Variants in ZNF141 observed in about 807,000 individuals in gnomAD.
The protein encoded by ZNF141 is zinc finger protein 141 (clone pHZ-44).
Under a neutral mutation model 11.3 loss-of-function variants are expected in ZNF141, and 7 were observed. The ratio of observed to expected loss-of-function variants is 0.62; its 90% CI spans 0.35 to 1.16. The LOEUF (loss-of-function observed/expected upper bound fraction) is 1.16. Ranked by LOEUF, ZNF141 falls within the 50% of genes most tolerant of loss-of-function variation. ZNF141 has a pLI of 0.02. For missense variants in ZNF141, 535 were observed against 554.0 expected (o/e 0.97, Z 0.34); for synonymous variants, 183 against 190.7 (o/e 0.96, Z 0.33).
rs1332460782 is a variant in ZNF141 at position 383,527 on chromosome 4, G to T, written c.*9665G>T. Reference sequence around the variant, plus strand: ...CAGGAGAATAGGGTTTGGAGGCAGGGAACTTAAGGCCAATTCGTGCTGACT... The same window carrying T: ...CAGGAGAATAGGGTTTGGAGGCAGGTAACTTAAGGCCAATTCGTGCTGACT... On this transcript the variant is annotated 3_prime_UTR_variant, in exon 4 of 4. Coordinates refer to ENST00000240499, the MANE Select transcript of ZNF141 (RefSeq NM_003441.4). The T allele has an allele frequency of 5.1e-6, 1 of 195,600 alleles. No homozygotes were observed. The highest frequency in any genetic ancestry group is 2.3e-5 in the African/African-American group (1 of 43,204). 12.1% of individuals were successfully genotyped at this position (195,600 alleles called of 1,614,324 possible).
Position 380,909 on chromosome 4 carries a change from A to G in ZNF141, c.*7047A>G, listed in dbSNP as rs1712585046. Among the ~76,000 whole-genome samples the G allele has an allele frequency of 6.6e-6, 1 of 152,206 alleles. No individual in the cohort carries two copies. The highest frequency in any genetic ancestry group is 2.4e-5 in the African/African-American group (1 of 41,442). On this transcript the variant is annotated 3_prime_UTR_variant, in exon 4 of 4. Transcript: ENST00000240499. ...TCATATATGTGTGTGCAAAACGTAT[A>G]AAATATACAGAAAAGAGAAATACTT...
At chr4:344,481 A>C (rs1363028203) in intron 3 of ZNF141, 51 bp downstream of exon 3, 1 of 1,520,498 alleles carries the variant, frequency 6.6e-7, no homozygotes, top group Non-Finnish European at 9.0e-7. Flanking sequence ...ACCAAAGGTC[A>C]AGAAGGAAGC....
At chr4:372,403 A>G (rs1473277103) in intron 3 of ZNF141, among the ~76,000 whole-genome samples, 2 of 152,240 alleles carry the variant, frequency 1.3e-5, no homozygotes, top group Non-Finnish European at 2.9e-5. Flanking sequence ...AAATGTAACA[A>G]ACATTCCTTC....
In ZNF141 at chr4:374,836, C is replaced by G. The variant is rs1712285466; in HGVS notation, c.*974C>G. 6.5e-6 allele frequency: 1 copy of G among 153,108 alleles called. No homozygotes were observed. 9.5% of individuals were successfully genotyped at this position (153,108 alleles called of 1,614,324 possible). Reference sequence around the variant, plus strand: ...AGTCTTTTCTAATCATAAGATAATTCACACTGAAGAGAAACTGCAAACGTG... The same window carrying G: ...AGTCTTTTCTAATCATAAGATAATTGACACTGAAGAGAAACTGCAAACGTG... On this transcript the variant is annotated 3_prime_UTR_variant, in exon 4 of 4. Coordinates refer to ENST00000240499, the MANE Select transcript of ZNF141 (RefSeq NM_003441.4).
chr4:375,207 G>A lies in ZNF141; in HGVS notation c.*1345G>A, dbSNP rs1343504954. 2.6e-5 allele frequency: 4 copies of A among 152,062 alleles called. No homozygotes were observed. Among genetic ancestry groups the A allele is most frequent in the Admixed American group, 2.6e-4 (4 of 15,268 alleles). The allele number at this position is 152,062 out of a possible 1,614,324, so 9.4% of individuals were successfully genotyped here. ...ATGTAATTTCTGTTGAAAGACTTCAGAAAATATAGGCCTTTAAAGTGAAGA... is the reference window on the plus strand; with the variant it reads ...ATGTAATTTCTGTTGAAAGACTTCAAAAAATATAGGCCTTTAAAGTGAAGA... On this transcript the variant is annotated 3_prime_UTR_variant, in exon 4 of 4. Coordinates refer to ENST00000240499, the MANE Select transcript of ZNF141 (RefSeq NM_003441.4).
At position 374,408 on chromosome 4, in the gene ZNF141, C is replaced by T. The variant is rs1712257682; in HGVS notation, c.*546C>T. On this transcript the variant is annotated 3_prime_UTR_variant, in exon 4 of 4. Coordinates refer to ENST00000240499, the MANE Select transcript of ZNF141 (RefSeq NM_003441.4). ...AATGTGGCACAGTCTTTACCACATC[C>T]TCAAACTTTGTTAAACATAAGAGAA... 2.8e-6 allele frequency: 1 copy of T among 351,164 alleles called. No homozygotes were observed. The highest frequency in any genetic ancestry group is 5.8e-6 in the Non-Finnish European group (1 of 173,474). 21.8% of individuals were successfully genotyped at this position (351,164 alleles called of 1,614,324 possible).
intron 3 of ZNF141, among the ~76,000 whole-genome samples, chr4:357,648 C>T (rs1185377854): frequency 7.9e-5 from 12 of 151,550 alleles, no homozygotes; most frequent in African/African-American, 2.7e-4. Flanking sequence ...TACATTCCTA[C>T]AGATAATTAT....
At chr4:350,533 A>AT (rs1347261666) in intron 3 of ZNF141, among the ~76,000 whole-genome samples, 2 of 152,186 alleles carry the variant, frequency 1.3e-5, no homozygotes, top group African/African-American at 2.4e-5. Context: ...GGATGTTTGA[A>AT]TTTTTTCACT....
At chr4:343,005 T>TA (rs2059816446) in intron 1 of ZNF141, 2 of 778,736 alleles carry the variant, frequency 2.6e-6, no homozygotes, top group Non-Finnish European at 3.6e-6. Context: ...AAAAAAGTAT[T>TA]AAAAAAGTTC....
At chr4:338,101 G>C in intron 1 of ZNF141, 115 bp downstream of exon 1, 1 of 1,452,910 alleles carries the variant, frequency 6.9e-7, no homozygotes, top group Non-Finnish European at 9.5e-7. Context: ...CTCAGCCCTG[G>C]GGCCTCAGTA....
rs373224939 is a variant in ZNF141, at chr4:346,893, A to ACACCCC, written c.226+2464_226+2465insACCCCC. Among the ~76,000 whole-genome samples the ACACCCC allele has an allele frequency of 1.8e-3, 246 of 135,374 alleles. 16 individuals carry two copies. Among genetic ancestry groups the ACACCCC allele is most frequent in the African/African-American group, 7.1e-3 (222 of 31,280 alleles). The allele number at this position is 135,374 out of a possible 152,430, so 88.8% of individuals were successfully genotyped here. A position where few individuals can be genotyped will look rare whatever the true frequency, so the allele number is the denominator to read the frequency against. ...TATATATGTATACACACACACACAC[A>ACACCCC]CCGCCCCCCCCATATATTGGCTACT... On this transcript the variant is annotated intron_variant, in intron 3 of 3. Coordinates refer to ENST00000240499, the MANE Select transcript of ZNF141 (RefSeq NM_003441.4).
chr4:365,834 G>C (rs1711717580), intron 3 of ZNF141, among the ~76,000 whole-genome samples: 1 of 152,178 alleles, frequency 6.6e-6, no homozygotes, highest in African/African-American at 2.4e-5. Context: ...TAGGGGCCTA[G>C]TTTCATTTTT....
rs182596615 is a variant in ZNF141, at chr4:349,717, G to A, written c.226+5287G>A. Among the ~76,000 whole-genome samples, 14 of 152,320 alleles carry A rather than the reference G, an allele frequency of 9.2e-5. No individual in the cohort carries two copies. The East Asian group carries it at 2.7e-3, about 29-fold the overall frequency. Reference sequence around the variant, plus strand: ...GGGTCACAAGGGTGCTGCTGGGTCTGCTGTGGGGTCTGCCTTTGATGATTG... The same window carrying A: ...GGGTCACAAGGGTGCTGCTGGGTCTACTGTGGGGTCTGCCTTTGATGATTG... On this transcript the variant is annotated intron_variant, in intron 3 of 3. Coordinates refer to ENST00000240499, the MANE Select transcript of ZNF141 (RefSeq NM_003441.4).
intron 3 of ZNF141, among the ~76,000 whole-genome samples, chr4:359,403 C>G (rs1281138951): frequency 6.6e-6 from 1 of 152,176 alleles, no homozygotes; most frequent in Non-Finnish European, 1.5e-5. Flanking sequence ...TGGAAATGCT[C>G]TAACCTAGTC....
At position 344,415 on chromosome 4, in the gene ZNF141, G is replaced by A. The variant is rs781825597; in HGVS notation, c.211G>A (p.Val71Ile). ...EPYNVKIHKI[V>I]ARPPAMCSHF... ...CTACAATGTGAAGATACATAAGATC[G>A]TAGCCAGACCCCCAGGTAGGTGAGA... The change falls in exon 3 of 4, where the codon GTA becomes ATA. Residue 71 changes from valine (V) to isoleucine (I), a missense_variant. Coordinates refer to ENST00000240499, the MANE Select transcript of ZNF141 (RefSeq NM_003441.4). The A allele has an allele frequency of 8.7e-6, 14 of 1,605,850 alleles. No individual in the cohort carries two copies. The highest frequency in any genetic ancestry group is 6.7e-5 in the Admixed American group (4 of 59,728).
At chr4:371,122 A>G (rs1712035878) in intron 3 of ZNF141, among the ~76,000 whole-genome samples, 1 of 148,418 alleles carries the variant, frequency 6.7e-6, no homozygotes, top group Non-Finnish European at 1.5e-5. Flanking sequence ...TTTCATTTAT[A>G]TATATATATA....
At chr4:350,578 T>C (rs1192109200) in intron 3 of ZNF141, among the ~76,000 whole-genome samples, 2 of 152,210 alleles carry the variant, frequency 1.3e-5, no homozygotes, top group Non-Finnish European at 2.9e-5. Flanking sequence ...TTTGGATCTA[T>C]GTCCCCATTC....
chr4:368,040 T>G (rs1711833991), intron 3 of ZNF141, among the ~76,000 whole-genome samples: 1 of 152,218 alleles, frequency 6.6e-6, no homozygotes, highest in Non-Finnish European at 1.5e-5. Flanking sequence ...TTTTTCTGTT[T>G]TCTGGCCCTT....
intron 3 of ZNF141, among the ~76,000 whole-genome samples, chr4:356,363 C>A (rs950746014): frequency 1.3e-5 from 2 of 151,904 alleles, no homozygotes; most frequent in Non-Finnish European, 2.9e-5. Context: ...TTCTGTCACC[C>A]AGGCTGGAGT....
Sources: gnomAD v4.1 joint callset for allele counts (sites outside exome capture counted in the v4.1 genomes callset) on GRCh38, gnomAD v4.1.1 for gene constraint, MANE v1.5 for transcripts, NCBI Gene and HGNC (gene_info 2026-07-23, HGNC 2026-07-21) for gene names.